The following GRIA2 variants were observed in gnomAD, a reference collection of about 807,000 sequenced individuals.
The protein encoded by GRIA2 is glutamate receptor 2.
A neutral mutation model predicts 97.3 loss-of-function variants in GRIA2; 14 were observed. That is an observed-to-expected ratio of 0.14 (90% CI 0.10 to 0.23). The LOEUF is 0.23. Among genes scored for constraint, GRIA2 ranks in the 10% least tolerant of loss-of-function variants. The pLI, the probability that GRIA2 is intolerant of heterozygous loss-of-function variation, is 1.00. For missense variants in GRIA2, 558 were observed against 1,069.8 expected, an observed-to-expected ratio of 0.52 and a Z score of 6.67; for synonymous variants, 412 against 387.8, an observed-to-expected ratio of 1.06 and a Z score of -0.73.
At position 157,350,192 on chromosome 4, in the gene GRIA2, T is replaced by G. The variant is rs559675239; in HGVS notation, c.2043+8730T>G. On this transcript the variant is annotated intron_variant, in intron 12 of 15. Coordinates refer to ENST00000264426, the MANE Select transcript of GRIA2 (RefSeq NM_001083619.3). The stretch of plus-strand genomic sequence containing the variant: ...AGTAATTGCTTTCTTTTGCATACTA[T>G]AGATACATCAAATATATGGAGAGAA... Among the ~76,000 whole-genome samples, 13 of 152,286 alleles carry G rather than the reference T, an allele frequency of 8.5e-5. No individual in the cohort carries two copies. The South Asian group carries it at 1.4e-3, about 17-fold the overall frequency.
chr4:157,308,644 A>G (rs1278150053), intron 3 of GRIA2, among the ~76,000 whole-genome samples: 4 of 152,218 alleles, frequency 2.6e-5, no homozygotes, highest in African/African-American at 7.2e-5. Flanking sequence ...TAACTATTGC[A>G]TACTAATAGC....
chr4:157,333,060 C>T, intron 7 of GRIA2, 74 bp downstream of exon 7: 4 of 1,222,520 alleles, frequency 3.3e-6, no homozygotes, highest in Non-Finnish European at 4.6e-6. Context: ...AATTAGTCAT[C>T]CTTGTCTTAT....
At chr4:157,348,080 C>T (rs949182860) in intron 12 of GRIA2, among the ~76,000 whole-genome samples, 3 of 151,528 alleles carry the variant, frequency 2.0e-5, no homozygotes, top group African/African-American at 7.3e-5. Context: ...CACGCCACTG[C>T]ACTCCAGCCG....
rs35047857 is a variant in GRIA2 at position 157,256,233 on chromosome 4, A to AATAT, written c.229+34436_229+34439dup. On this transcript the variant is annotated intron_variant, in intron 2 of 15. Coordinates refer to ENST00000264426, the MANE Select transcript of GRIA2 (RefSeq NM_001083619.3). ...ATGTTATATATAATATATAATATAT[A>AATAT]ATATATATATATAATATATAAATTA... Among the ~76,000 whole-genome samples the AATAT allele has an allele frequency of 1.6e-5, 2 of 124,604 alleles. 1 individual carries two copies. Among genetic ancestry groups the AATAT allele is most frequent in the Non-Finnish European group, 3.4e-5 (2 of 59,692 alleles). The allele number at this position is 124,604 out of a possible 152,430, so 81.7% of individuals were successfully genotyped here.
intron 3 of GRIA2, among the ~76,000 whole-genome samples, chr4:157,305,892 G>A (rs867775850): frequency 2.6e-5 from 4 of 151,954 alleles, no homozygotes; most frequent in Non-Finnish European, 4.4e-5. Flanking sequence ...GTAAGGTGTG[G>A]CAATAAGCTC....
At chr4:157,238,983 G>T (rs1375232720) in intron 2 of GRIA2, among the ~76,000 whole-genome samples, 1 of 151,684 alleles carries the variant, frequency 6.6e-6, no homozygotes, top group African/African-American at 2.4e-5. Flanking sequence ...AAAGTCTTTT[G>T]CCCAATTTTT....
intron 2 of GRIA2, among the ~76,000 whole-genome samples, chr4:157,228,873 T>C (rs1165336556): frequency 2.2e-5 from 2 of 92,628 alleles, no homozygotes; most frequent in African/African-American, 4.3e-5. Flanking sequence ...AGCAAGAACC[T>C]TGTTACAAGT....
intron 6 of GRIA2, among the ~76,000 whole-genome samples, chr4:157,323,951 C>T (rs558834120): frequency 6.6e-6 from 1 of 152,160 alleles, no homozygotes; most frequent in East Asian, 1.9e-4. Context: ...TTCAGAGAAC[C>T]TAGACTAATG....
At chr4:157,321,404 C>T in intron 5 of GRIA2, 34 bp from the exon 6 acceptor site, 2 of 1,530,042 alleles carry the variant, frequency 1.3e-6, no homozygotes, top group Non-Finnish European at 1.8e-6. Context: ...TGTTCTCAAA[C>T]AAAAAGCGTG....
At position 157,364,595 on chromosome 4, in the gene GRIA2, T is replaced by C. The variant is rs1736799477; in HGVS notation, c.*1164T>C. On this transcript the variant is annotated 3_prime_UTR_variant, in exon 16 of 16. Coordinates refer to ENST00000264426, the MANE Select transcript of GRIA2 (RefSeq NM_001083619.3). ...TACGTGAAGTTCCATTTTTAAAGTG[T>C]TTGAGCTTACAGAAGAGAAACATTC... 6.6e-6 allele frequency: 1 copy of C among 152,114 alleles called. No homozygotes were observed. Among genetic ancestry groups the C allele is most frequent in the South Asian group, 2.1e-4 (1 of 4,832 alleles). 9.4% of individuals were successfully genotyped at this position (152,114 alleles called of 1,614,324 possible). A position where few individuals can be genotyped will look rare whatever the true frequency, so the allele number is the denominator to read the frequency against.
intron 2 of GRIA2, among the ~76,000 whole-genome samples, chr4:157,238,690 T>C (rs975904834): frequency 2.6e-5 from 4 of 152,118 alleles, no homozygotes; most frequent in Admixed American, 2.6e-4. Context: ...TTTGCATATG[T>C]ATTTTTCACC....
intron 2 of GRIA2, among the ~76,000 whole-genome samples, chr4:157,247,936 C>T (rs1300358029): frequency 6.6e-6 from 1 of 152,024 alleles, no homozygotes; most frequent in Non-Finnish European, 1.5e-5. Context: ...CTAATCTTTG[C>T]TCTTATTATC....
At chr4:157,246,421 C>T (rs941918562) in intron 2 of GRIA2, among the ~76,000 whole-genome samples, 3 of 152,096 alleles carry the variant, frequency 2.0e-5, no homozygotes, top group Non-Finnish European at 2.9e-5. Flanking sequence ...CTACATGCAA[C>T]TAACACATTT....
At chr4:157,307,419 A>C (rs1733891421) in intron 3 of GRIA2, among the ~76,000 whole-genome samples, 1 of 152,134 alleles carries the variant, frequency 6.6e-6, no homozygotes, top group South Asian at 2.1e-4. Context: ...TTTACTGGTG[A>C]GAGGAGAGCT....
chr4:157,355,632 T>TTATATATATTTATA (rs1736229145), intron 12 of GRIA2, among the ~76,000 whole-genome samples: 4 of 137,290 alleles, frequency 2.9e-5, no homozygotes, highest in Admixed American at 7.9e-5. Flanking sequence ...ATATATTTAT[T>TTATATATATTTATA]TATATATATT....
intron 2 of GRIA2, among the ~76,000 whole-genome samples, chr4:157,222,260 C>A (rs1218877873): frequency 1.3e-5 from 2 of 152,178 alleles, no homozygotes; most frequent in African/African-American, 4.8e-5. Flanking sequence ...CCAGTGGCCT[C>A]CTGCCCCAGC....
intron 12 of GRIA2, among the ~76,000 whole-genome samples, chr4:157,359,299 AT>A (rs1736531705): frequency 6.6e-6 from 1 of 152,168 alleles, no homozygotes; most frequent in Non-Finnish European, 1.5e-5. Flanking sequence ...GTGTTTAAAT[AT>A]TCAAAGAAAA....
At chr4:157,270,299 G>T (rs1188511234) in intron 2 of GRIA2, among the ~76,000 whole-genome samples, 2 of 152,024 alleles carry the variant, frequency 1.3e-5, no homozygotes, top group African/African-American at 4.8e-5. Context: ...AAGGCAGTAG[G>T]CCATTCACTT....
intron 2 of GRIA2, among the ~76,000 whole-genome samples, chr4:157,273,510 A>G (rs1732129465): frequency 6.6e-6 from 1 of 152,086 alleles, no homozygotes; most frequent in Non-Finnish European, 1.5e-5. Context: ...TTATAGATGT[A>G]TAACGTAAGC....
Sources: gnomAD v4.1 joint callset for allele counts (sites outside exome capture counted in the v4.1 genomes callset) on GRCh38, gnomAD v4.1.1 for gene constraint, MANE v1.5 for transcripts, NCBI Gene and HGNC (gene_info 2026-07-23, HGNC 2026-07-21) for gene names.